STOX2: variants seen among roughly 807,000 people sequenced by gnomAD.
STOX2 encodes the protein storkhead box 2, also known as storkhead-box protein 2.
Under a neutral mutation model 60.9 loss-of-function variants are expected in STOX2, and 28 were observed. The observed-to-expected ratio is 0.46, with a 90% CI of 0.34 to 0.63. STOX2 has a LOEUF of 0.63. STOX2 is among the 30% of genes least tolerant of loss of function. The pLI is 0.01. For synonymous variants in STOX2, 472 were observed against 463.9 expected, an observed-to-expected ratio of 1.02 and a Z score of -0.22; for missense variants, 1,024 against 1,187.7, an observed-to-expected ratio of 0.86 and a Z score of 2.03.
intron 1 of STOX2, among the ~76,000 whole-genome samples, chr4:183,935,300 TAC>T (rs1742556648): frequency 6.6e-6 from 1 of 152,036 alleles, no homozygotes; most frequent in African/African-American, 2.4e-5. Context: ...GCCTCAAACA[TAC>T]CTAAAAGCTC....
At chr4:183,803,139 G>A (rs1180730401) in intron 1 of STOX2, among the ~76,000 whole-genome samples, 3 of 152,144 alleles carry the variant, frequency 2.0e-5, no homozygotes, top group African/African-American at 4.8e-5. Flanking sequence ...ATCAGATCTC[G>A]TGAAACCCAT....
At position 184,020,657 on chromosome 4, in the gene STOX2, C is replaced by G. The variant is rs1734546945; in HGVS notation, c.*3373C>G. On this transcript the variant is annotated 3_prime_UTR_variant, in exon 4 of 4. Transcript: ENST00000308497. ...TCCATTATATATATTTTGCACATCT[C>G]AGGGGACCATAATGAACATATGAAA... 1 of 143,674 alleles carries G rather than the reference C, an allele frequency of 7.0e-6. No homozygotes were observed. Among genetic ancestry groups the G allele is most frequent in the Non-Finnish European group, 1.5e-5 (1 of 66,936 alleles). The allele number at this position is 143,674 out of a possible 1,614,324, so 8.9% of individuals were successfully genotyped here.
At chr4:183,894,599 T>A (rs1741300391) in intron 1 of STOX2, among the ~76,000 whole-genome samples, 1 of 152,216 alleles carries the variant, frequency 6.6e-6, no homozygotes, top group Non-Finnish European at 1.5e-5. Context: ...AGGAAACTAT[T>A]TGAGCTTTGC....
intron 1 of STOX2, among the ~76,000 whole-genome samples, chr4:183,933,227 C>T (rs1176694252): frequency 1.3e-5 from 2 of 152,278 alleles, no homozygotes; most frequent in East Asian, 3.9e-4. Context: ...ACACAAATAC[C>T]GTGCCTTTCC....
In STOX2 at chr4:183,929,311, A is replaced by G. The variant is rs543282759; in HGVS notation, c.166+22355A>G. Among the ~76,000 whole-genome samples the G allele has an allele frequency of 3.5e-3, 532 of 152,238 alleles. 1 individual carries two copies. The highest frequency in any genetic ancestry group is 5.4e-3 in the Admixed American group (83 of 15,288). On this transcript the variant is annotated intron_variant, in intron 1 of 3. Transcript: ENST00000308497. ...AATCAGATATTTTATGCTGTTTTTG[A>G]TTTTGTGGTGGTATTGGCCTTCCTT...
chr4:183,812,623 AG>A (rs34670534), intron 1 of STOX2, among the ~76,000 whole-genome samples: 47,096 of 152,060 alleles, frequency 0.31, 9,164 homozygotes, highest in African/African-American at 0.56. Flanking sequence ...ACTACTTGTG[AG>A]GACTGACTTT....
intron 1 of STOX2, among the ~76,000 whole-genome samples, chr4:183,984,661 C>T (rs1023824166): frequency 6.6e-6 from 1 of 152,206 alleles, no homozygotes; most frequent in Non-Finnish European, 1.5e-5. Flanking sequence ...AGCCATCAAG[C>T]GTTTATTAAG....
intron 2 of STOX2, among the ~76,000 whole-genome samples, chr4:184,004,017 C>A (rs1733709023): frequency 1.3e-5 from 2 of 151,848 alleles, no homozygotes; most frequent in African/African-American, 4.8e-5. Flanking sequence ...GAAAATCTAA[C>A]CCTTTAAATT....
chr4:183,970,181 T>TGTGGGGGG (rs779582388), intron 1 of STOX2, among the ~76,000 whole-genome samples: 2 of 136,406 alleles, frequency 1.5e-5, no homozygotes, highest in African/African-American at 5.7e-5. Flanking sequence ...TGTGTGTGTG[T>TGTGGGGGG]GGGGTTCCAG....
At chr4:183,933,888 T>TGG (rs1046484394) in intron 1 of STOX2, among the ~76,000 whole-genome samples, 2 of 152,148 alleles carry the variant, frequency 1.3e-5, no homozygotes, top group African/African-American at 4.8e-5. Context: ...TGAAAAAAAT[T>TGG]AAATAGTGGA....
chr4:183,823,431 C>T (rs1739350410), intron 1 of STOX2, among the ~76,000 whole-genome samples: 1 of 152,134 alleles, frequency 6.6e-6, no homozygotes. Context: ...CCAAAAAACC[C>T]CCAACTATCA....
intron 1 of STOX2, among the ~76,000 whole-genome samples, chr4:183,961,136 T>C (rs1743399471): frequency 6.6e-6 from 1 of 152,118 alleles, no homozygotes; most frequent in Admixed American, 6.5e-5. Flanking sequence ...TGTCTCCAAC[T>C]AAGGTATGTG....
intron 1 of STOX2, among the ~76,000 whole-genome samples, chr4:183,818,950 C>A (rs1025110048): frequency 1.3e-5 from 2 of 152,020 alleles, no homozygotes; most frequent in Non-Finnish European, 2.9e-5. Flanking sequence ...CCAGACTGGG[C>A]AGCGGGGCAG....
At chr4:183,984,974 A>G (rs1247324195) in intron 1 of STOX2, among the ~76,000 whole-genome samples, 1 of 152,136 alleles carries the variant, frequency 6.6e-6, no homozygotes, top group Non-Finnish European at 1.5e-5. Flanking sequence ...AGTGGAGGCC[A>G]ATGGTGTCCA....
chr4:183,827,307 G>A (rs1739457319), intron 1 of STOX2, among the ~76,000 whole-genome samples: 1 of 152,088 alleles, frequency 6.6e-6, no homozygotes, highest in African/African-American at 2.4e-5. Flanking sequence ...ACACTAGCCT[G>A]GGCAACACAG....
chr4:183,808,596 T>C (rs760815964), intron 1 of STOX2, among the ~76,000 whole-genome samples: 2 of 152,236 alleles, frequency 1.3e-5, no homozygotes, highest in Non-Finnish European at 2.9e-5. Context: ...CAGAAAGCAG[T>C]ACGTTTTAAA....
intron 2 of STOX2, among the ~76,000 whole-genome samples, chr4:184,006,704 A>AAAAG (rs34125186): frequency 7.0e-6 from 1 of 141,942 alleles, no homozygotes; most frequent in Non-Finnish European, 1.5e-5. Context: ...AAAAAAAAAA[A>AAAAG]GGAAAAAAGA....
At chr4:183,923,909 T>C (rs756899109) in intron 1 of STOX2, among the ~76,000 whole-genome samples, 15 of 152,174 alleles carry the variant, frequency 9.9e-5, no homozygotes, top group Non-Finnish European at 2.2e-4. Flanking sequence ...GAACACTCTG[T>C]AGACTGTGGT....
At chr4:183,918,793 C>T (rs191641397) in intron 1 of STOX2, among the ~76,000 whole-genome samples, 53 of 152,310 alleles carry the variant, frequency 3.5e-4, no homozygotes, top group African/African-American at 1.1e-3. Flanking sequence ...TCAGCTGCTA[C>T]GAGCAGACGG....
Sources: gnomAD v4.1 joint callset for allele counts (sites outside exome capture counted in the v4.1 genomes callset) on GRCh38, gnomAD v4.1.1 for gene constraint, MANE v1.5 for transcripts, NCBI Gene and HGNC (gene_info 2026-07-23, HGNC 2026-07-21) for gene names.